ABCA1: variants seen among roughly 807,000 people sequenced by gnomAD.
ABCA1 encodes ATP binding cassette subfamily A member 1.
A neutral mutation model predicts 262.5 loss-of-function variants in ABCA1; 133 were observed. The observed-to-expected ratio is 0.51, with a 90% CI of 0.44 to 0.59. ABCA1 has a LOEUF of 0.59. Ranked by LOEUF, ABCA1 falls within the 20% of genes least tolerant of loss-of-function variation. The probability of loss-of-function intolerance (pLI) is 0.00; values close to 1 mark genes in which losing one functional copy is unlikely to be tolerated. For synonymous variants in ABCA1, 1,022 were observed against 1,043.5 expected (o/e 0.98, Z 0.40); for missense variants, 2,452 against 2,777.5 (o/e 0.88, Z 2.63).
At chr9:104,812,759 T>A (rs776855285) in intron 27 of ABCA1, 37 bp from the exon 28 acceptor site, 1 of 1,614,034 alleles carries the variant, frequency 6.2e-7, no homozygotes, top group South Asian at 1.1e-5. Context: ...CCTATTATCT[T>A]AGGTGTTTTC....
intron 2 of ABCA1, among the ~76,000 whole-genome samples, chr9:104,896,790 G>C (rs1413353649): frequency 8.5e-6 from 1 of 118,260 alleles, no homozygotes; most frequent in Non-Finnish European, 1.6e-5. Context: ...GAGTACAGTA[G>C]TATGGTCATA....
intron 44 of ABCA1, 41 bp from the exon 45 acceptor site, chr9:104,788,608 G>GAGAT (rs1417442350): frequency 6.2e-7 from 1 of 1,610,782 alleles, no homozygotes. Flanking sequence ...TAAGCAGGTA[G>GAGAT]AGATACTCTG....
chr9:104,840,612 T>C, intron 8 of ABCA1, 93 bp from the exon 9 acceptor site: 1 of 1,269,128 alleles, frequency 7.9e-7, no homozygotes, highest in Non-Finnish European at 1.1e-6. Flanking sequence ...AAACATCTTA[T>C]TTTCTTGACC....
intron 2 of ABCA1, among the ~76,000 whole-genome samples, chr9:104,891,821 C>A (rs530140492): frequency 2.0e-5 from 3 of 149,134 alleles, no homozygotes; most frequent in Non-Finnish European, 4.5e-5. Context: ...CAAAATTAGC[C>A]GGGCGTGGTG....
chr9:104,817,229 G>A lies in ABCA1; in HGVS notation c.3535+103C>T. On this transcript the variant is annotated intron_variant, in intron 24 of 49. Transcript: ENST00000374736. The surrounding 1 kb of genome is among the most constrained non-coding windows in gnomAD (Gnocchi z 4.7). ...CAGCCCCAGCCCAGCAGCAAACCTT[G>A]AGTCAGCGCCACCAGCCTCTGCACC... 6.2e-7 allele frequency: 1 copy of A among 1,602,248 alleles called. No homozygotes were observed.
chr9:104,867,426 CAT>C (rs1206018300), intron 5 of ABCA1, among the ~76,000 whole-genome samples: 10 of 152,220 alleles, frequency 6.6e-5, no homozygotes, highest in Non-Finnish European at 1.5e-4. Flanking sequence ...TGAACAGATT[CAT>C]GGCTAATTTA....
intron 7 of ABCA1, among the ~76,000 whole-genome samples, chr9:104,850,652 T>C (rs1404521837): frequency 2.6e-5 from 4 of 152,194 alleles, no homozygotes; most frequent in African/African-American, 9.7e-5. Context: ...GAACACAAAA[T>C]ACGGTCTGAG....
At chr9:104,858,070 C>A (rs571849663) in intron 7 of ABCA1, among the ~76,000 whole-genome samples, 1 of 152,190 alleles carries the variant, frequency 6.6e-6, no homozygotes, top group Admixed American at 6.5e-5. Context: ...ATAGTGTGGT[C>A]TCATCTAATT....
At chr9:104,814,531 C>G in intron 25 of ABCA1, 56 bp from the exon 26 acceptor site, 1 of 1,498,768 alleles carries the variant, frequency 6.7e-7, no homozygotes, top group Non-Finnish European at 9.3e-7. Context: ...AGAGTAGTCA[C>G]CACTGCCACG....
In ABCA1 at chr9:104,814,443, C is replaced by T. The variant is rs1831549649; in HGVS notation, c.3771G>A (p.Val1257=). 32 of 1,614,014 alleles carry T rather than the reference C, an allele frequency of 2.0e-5. No individual in the cohort carries two copies. Among genetic ancestry groups the T allele is most frequent in the Non-Finnish European group, 2.6e-5 (31 of 1,180,040 alleles). ...IFLKVAEESG[V]DAETSDGTLP... is the part of the protein sequence containing the mutation. The stretch of plus-strand genomic sequence containing the variant: ...GGCAGTTACCTGAGGTCTCAGCATC[C>T]ACCCCACTCTCTTCGGCCACCTTGA... Residue 1257 remains valine (V), a synonymous_variant, in exon 26 of 50, where the codon GTG becomes GTA. Transcript: ENST00000374736.
intron 1 of ABCA1, among the ~76,000 whole-genome samples, chr9:104,917,575 C>T (rs1356182538): frequency 3.9e-5 from 2 of 50,850 alleles, no homozygotes; most frequent in Non-Finnish European, 4.1e-5. Flanking sequence ...GCCAACATGA[C>T]GAACCCCATC....
chr9:104,888,295 AG>A (rs1839392326), intron 3 of ABCA1, among the ~76,000 whole-genome samples: 1 of 152,120 alleles, frequency 6.6e-6, no homozygotes, highest in Non-Finnish European at 1.5e-5. Context: ...AAAAATCACT[AG>A]GGCAGTGAAA....
chr9:104,906,450 A>C (rs1473399144), intron 1 of ABCA1, among the ~76,000 whole-genome samples: 2 of 152,208 alleles, frequency 1.3e-5, no homozygotes, highest in African/African-American at 4.8e-5. Flanking sequence ...AGGACTCTCC[A>C]GGAAGCACAT....
At chr9:104,846,184 G>A (rs1056128098) in intron 7 of ABCA1, among the ~76,000 whole-genome samples, 2 of 152,036 alleles carry the variant, frequency 1.3e-5, no homozygotes, top group Non-Finnish European at 2.9e-5. Flanking sequence ...ATTAGAACAG[G>A]GAAAAGATAA....
chr9:104,863,570 C>G (rs908924629), intron 5 of ABCA1, among the ~76,000 whole-genome samples: 1 of 152,248 alleles, frequency 6.6e-6, no homozygotes, highest in African/African-American at 2.4e-5. Context: ...GAGGGCCTGA[C>G]AGCCCAGCCA....
chr9:104,825,314 C>T (rs549568905), intron 17 of ABCA1, among the ~76,000 whole-genome samples: 22 of 152,356 alleles, frequency 1.4e-4, no homozygotes, highest in African/African-American at 4.8e-4. Flanking sequence ...TTCACCTCCA[C>T]GTACCAACAT....
chr9:104,858,382 A>G (rs1410550121), intron 7 of ABCA1, 140 bp downstream of exon 7: 2 of 924,988 alleles, frequency 2.2e-6, no homozygotes, highest in African/African-American at 3.2e-5. Context: ...GAACACTTAG[A>G]ATACCACTGA....
chr9:104,904,564 C>CAA (rs35949087), intron 1 of ABCA1, among the ~76,000 whole-genome samples: 12 of 76,938 alleles, frequency 1.6e-4, no homozygotes, highest in African/African-American at 6.0e-4. Context: ...GACTCTGTCT[C>CAA]AAAAAAAAAA....
At chr9:104,843,521 T>C (rs1309954651) in intron 8 of ABCA1, among the ~76,000 whole-genome samples, 1 of 152,208 alleles carries the variant, frequency 6.6e-6, no homozygotes, top group Non-Finnish European at 1.5e-5. Context: ...CCAACAGTTC[T>C]GGGTTTGAAT....
Sources: allele counts gnomAD v4.1 joint callset (sites outside exome capture counted in the v4.1 genomes callset), GRCh38; gene constraint gnomAD v4.1.1; non-coding constraint Gnocchi (gnomAD v3.1); transcripts MANE v1.5; gene names NCBI Gene and HGNC (gene_info 2026-07-23, HGNC 2026-07-21).